Variants in CD163L1 observed in about 807,000 individuals in gnomAD.
CD163L1 encodes CD163 molecule like 1.
In CD163L1, 124 loss-of-function variants were observed where a neutral mutation model predicts 165.4. The ratio of observed to expected loss-of-function variants is 0.75; its 90% CI spans 0.65 to 0.87. CD163L1 has a LOEUF of 0.87. Among genes scored for constraint, CD163L1 ranks in the 40% least tolerant of loss-of-function variants. The pLI is 0.00. For missense variants in CD163L1, 1,525 were observed against 1,799.9 expected (o/e 0.85, Z 2.76); for synonymous variants, 585 against 662.2 (o/e 0.88, Z 1.79).
At chr12:7,324,144 A>G in the CD163L1 span, 4 of 1,101,524 alleles carry the variant, frequency 3.6e-6, no homozygotes, top group Non-Finnish European at 5.1e-6. Flanking sequence ...CAACAGAGAG[A>G]GACTCTGTCT....
chr12:7,421,201 A>C (rs1948372474), intron 4 of CD163L1, among the ~76,000 whole-genome samples: 1 of 134,944 alleles, frequency 7.4e-6, no homozygotes, highest in African/African-American at 2.7e-5. Context: ...ATATGTATAT[A>C]TATGGGTATA....
At chr12:7,378,196 A>G (rs1391529398) in intron 9 of CD163L1, among the ~76,000 whole-genome samples, 1 of 152,142 alleles carries the variant, frequency 6.6e-6, no homozygotes, top group Non-Finnish European at 1.5e-5. Flanking sequence ...TGCTGGTTTC[A>G]GCTACTAAAT....
intron 2 of CD163L1, among the ~76,000 whole-genome samples, chr12:7,436,824 T>C (rs971725337): frequency 6.6e-6 from 1 of 152,084 alleles, no homozygotes; most frequent in Non-Finnish European, 1.5e-5. Flanking sequence ...TGAAATGTAA[T>C]ATATTTGAAA....
chr12:7,340,105 G>A, the CD163L1 span, among the ~76,000 whole-genome samples: 5 of 152,208 alleles, frequency 3.3e-5, no homozygotes, highest in East Asian at 9.7e-4. Flanking sequence ...CACAGAGAGG[G>A]AACACGCTAA....
downstream of CD163L1, among the ~76,000 whole-genome samples, chr12:7,344,962 CTT>C: frequency 6.6e-6 from 1 of 152,202 alleles, no homozygotes; most frequent in Non-Finnish European, 1.5e-5. Context: ...ATTCTTTCCT[CTT>C]AGGTTTCTGG....
chr12:7,403,778 G>A lies in CD163L1; in HGVS notation c.1165C>T (p.Gln389Ter). The change falls in exon 6 of 20, where the codon CAG (glutamine) becomes TAG (stop). Residue 389 changes from glutamine to a stop codon, truncating the protein, a stop_gained. Transcript: ENST00000313599. LOFTEE classifies it high-confidence loss of function. Reference protein sequence around the residue: ...SGRVEVRIHEQWWTICDQNWK... With the variant: ...SGRVEVRIHE ...TTCTGGTCACATATTGTCCACCACT[G>A]TTCATGAATTCTCACCTCTACTCTC... 6.2e-7 allele frequency: 1 copy of A among 1,613,732 alleles called. No individual in the cohort carries two copies. The highest frequency in any genetic ancestry group is 8.5e-7 in the Non-Finnish European group (1 of 1,179,920).
At chr12:7,345,690 T>C (rs1946665360), downstream of CD163L1, among the ~76,000 whole-genome samples, 1 of 152,220 alleles carries the variant, frequency 6.6e-6, no homozygotes, top group East Asian at 1.9e-4. Context: ...AGGCTGTTCT[T>C]GTGTTGCTAC....
chr12:7,320,764 C>A, the CD163L1 span: 179 of 1,613,632 alleles, frequency 1.1e-4, no homozygotes, highest in Non-Finnish European at 1.4e-4. Context: ...GTGCAGTCCT[C>A]CCACTGTGTA....
chr12:7,412,943 A>T (rs1401494619), intron 4 of CD163L1, among the ~76,000 whole-genome samples: 1 of 151,838 alleles, frequency 6.6e-6, no homozygotes, highest in African/African-American at 2.4e-5. Flanking sequence ...AAAAATACAA[A>T]AAATTAGCCA....
chr12:7,343,879 G>A (rs1300948358), downstream of CD163L1, among the ~76,000 whole-genome samples: 1 of 152,064 alleles, frequency 6.6e-6, no homozygotes, highest in Non-Finnish European at 1.5e-5. Flanking sequence ...AAAGTCCCAA[G>A]TCCAACTTCA....
rs1213008904 is a variant in CD163L1 at position 7,375,577 on chromosome 12, A to G, written c.2705T>C (p.Leu902Pro). 8.1e-6 allele frequency: 13 copies of G among 1,612,992 alleles called. No individual in the cohort carries two copies. Among genetic ancestry groups the G allele is most frequent in the Non-Finnish European group, 1.1e-5 (13 of 1,180,004 alleles). ...VVCSRYTDVR[L>P]VNGKSQCDGQ... The stretch of plus-strand genomic sequence containing the variant: ...GTCACACTGGGATTTGCCATTCACA[A>G]GTCGGACATCTGTATATCCTAGGAG... The change falls in exon 11 of 20, where the codon CTT (leucine) becomes CCT (proline). Residue 902 changes from leucine (L) to proline (P), a missense_variant. Transcript: ENST00000313599.
downstream of CD163L1, among the ~76,000 whole-genome samples, chr12:7,351,299 A>G (rs1035674809): frequency 3.3e-5 from 5 of 152,174 alleles, no homozygotes; most frequent in South Asian, 2.1e-4. Context: ...TTGAGCATCC[A>G]TAACAAAATA....
chr12:7,421,497 A>ATATACACACATATGTATATATACATATG lies in CD163L1; in HGVS notation c.766+10918_766+10919insCATATGTATATATACATATGTGTGTATA, dbSNP rs1565810243. On this transcript the variant is annotated intron_variant, in intron 4 of 19. Coordinates refer to ENST00000313599, the MANE Select transcript of CD163L1 (RefSeq NM_174941.6). ...TACATATATGTACATATATACATAT[A>ATATACACACATATGTATATATACATATG]TGTACATATACATATACATATATGT... Among the ~76,000 whole-genome samples the ATATACACACATATGTATATATACATATG allele has an allele frequency of 4.9e-4, 43 of 87,150 alleles. 1 individual carries two copies. The highest frequency in any genetic ancestry group is 7.9e-4 in the Non-Finnish European group (37 of 47,032). 57.2% of individuals were successfully genotyped at this position (87,150 alleles called of 152,430 possible).
At chr12:7,403,357 T>C (rs907236714) in intron 6 of CD163L1, among the ~76,000 whole-genome samples, 178 bp downstream of exon 6, 1 of 152,212 alleles carries the variant, frequency 6.6e-6, no homozygotes, top group Non-Finnish European at 1.5e-5. Context: ...AGACTGCTAG[T>C]GAGAAGAAAC....
intron 7 of CD163L1, 41 bp from the exon 8 acceptor site, chr12:7,396,456 T>C (rs939732240): frequency 6.6e-7 from 1 of 1,518,658 alleles, no homozygotes; most frequent in Non-Finnish European, 8.9e-7. Flanking sequence ...ATGGGTGTGA[T>C]GGTTTATTTT....
intron 5 of CD163L1, among the ~76,000 whole-genome samples, chr12:7,405,454 A>G (rs1317170796): frequency 6.6e-6 from 1 of 152,178 alleles, no homozygotes; most frequent in Non-Finnish European, 1.5e-5. Context: ...GTCCCCAGAT[A>G]AAACTTGCAA....
intron 18 of CD163L1, chr12:7,357,747 C>T (rs1280097583): frequency 1.2e-5 from 3 of 245,502 alleles, no homozygotes; most frequent in Non-Finnish European, 2.4e-5. Flanking sequence ...TCTTAAAAGC[C>T]TAGAATTGTG....
intron 4 of CD163L1, among the ~76,000 whole-genome samples, chr12:7,413,653 G>A (rs1217436441): frequency 2.6e-5 from 4 of 152,220 alleles, no homozygotes; most frequent in Non-Finnish European, 5.9e-5. Flanking sequence ...CCCAGATGGT[G>A]CATGTGAGCC....
intron 4 of CD163L1, among the ~76,000 whole-genome samples, chr12:7,430,231 T>G (rs541553898): frequency 1.3e-5 from 2 of 152,078 alleles, no homozygotes; most frequent in African/African-American, 4.8e-5. Context: ...GAAGAAAAAA[T>G]AGAAGAAATT....
Sources: allele counts gnomAD v4.1 joint callset (sites outside exome capture counted in the v4.1 genomes callset), GRCh38; gene constraint gnomAD v4.1.1; transcripts MANE v1.5; gene names NCBI Gene and HGNC (gene_info 2026-07-23, HGNC 2026-07-21).